Variants in ATRNL1 observed in about 807,000 individuals in gnomAD.
The protein encoded by ATRNL1 is attractin-like protein 1.
In ATRNL1, 95 loss-of-function variants were observed where a neutral mutation model predicts 182.7. The observed-to-expected ratio is 0.52, with a 90% confidence interval of 0.44 to 0.62. The LOEUF (loss-of-function observed/expected upper bound fraction) is 0.62. Ranked by LOEUF, ATRNL1 falls within the 20% of genes least tolerant of loss-of-function variation. ATRNL1 has a pLI of 0.00. For synonymous variants in ATRNL1, 576 were observed against 568.3 expected, an observed-to-expected ratio of 1.01 and a Z score of -0.19; for missense variants, 1,471 against 1,679.5, an observed-to-expected ratio of 0.88 and a Z score of 2.17.
chr10:115,361,334 C>T (rs538837980), intron 19 of ATRNL1, among the ~76,000 whole-genome samples: 1 of 151,824 alleles, frequency 6.6e-6, no homozygotes, highest in South Asian at 2.1e-4. Context: ...TGTGTGTAAT[C>T]CTTTCATTCT....
chr10:115,766,376 T>A (rs1197048766), intron 27 of ATRNL1, among the ~76,000 whole-genome samples: 2 of 152,240 alleles, frequency 1.3e-5, no homozygotes, highest in Admixed American at 1.3e-4. Context: ...GATCCTCCAG[T>A]TGTGACAACC....
rs34414579 is a variant in ATRNL1 at position 115,602,853 on chromosome 10, C to CA, written c.3795+53331dup. Among the ~76,000 whole-genome samples, 488 of 126,582 alleles carry CA rather than the reference C, an allele frequency of 3.9e-3. 4 individuals carry two copies. Among genetic ancestry groups the CA allele is most frequent in the African/African-American group, 9.9e-3 (343 of 34,744 alleles). The allele number at this position is 126,582 out of a possible 152,430, so 83.0% of individuals were successfully genotyped here. On this transcript the variant is annotated intron_variant, in intron 26 of 28. Coordinates refer to ENST00000355044, the MANE Select transcript of ATRNL1 (RefSeq NM_207303.4). ...TGGGTGACAGAGCGAGACTCCGTCT[C>CA]AAAAAAAAAAAAAACATTGCAATCA...
intron 17 of ATRNL1, among the ~76,000 whole-genome samples, chr10:115,314,084 GA>G (rs1398574243): frequency 6.6e-6 from 1 of 152,006 alleles, no homozygotes; most frequent in Non-Finnish European, 1.5e-5. Flanking sequence ...GTGTACTGTT[GA>G]AAAAATGTAA....
At chr10:115,242,539 T>A (rs1206439487) in intron 10 of ATRNL1, among the ~76,000 whole-genome samples, 1 of 151,960 alleles carries the variant, frequency 6.6e-6, no homozygotes, top group African/African-American at 2.4e-5. Flanking sequence ...TTATACCAAT[T>A]TGAAGCGATT....
At chr10:115,587,626 G>T (rs1211981556) in intron 26 of ATRNL1, among the ~76,000 whole-genome samples, 7 of 151,900 alleles carry the variant, frequency 4.6e-5, no homozygotes, top group African/African-American at 1.4e-4. Flanking sequence ...CTCGCGCATG[G>T]TGCGTGCACC....
At chr10:115,177,720 CTGTT>C (rs782775038) in intron 8 of ATRNL1, among the ~76,000 whole-genome samples, 35 of 151,708 alleles carry the variant, frequency 2.3e-4, no homozygotes, top group Non-Finnish European at 3.7e-4. Context: ...AGAGATCTGC[CTGTT>C]TTGACGTCCC....
intron 13 of ATRNL1, 22 bp downstream of exon 13, chr10:115,268,466 G>T (rs1851700684): frequency 6.8e-7 from 1 of 1,466,366 alleles, no homozygotes; most frequent in South Asian, 1.1e-5. Flanking sequence ...TGGGTAAATG[G>T]TGCTGTAGTT....
At chr10:115,279,664 G>T (rs1852269518) in intron 13 of ATRNL1, among the ~76,000 whole-genome samples, 1 of 152,154 alleles carries the variant, frequency 6.6e-6, no homozygotes, top group African/African-American at 2.4e-5. Context: ...TGCCAAGCCA[G>T]GGAAGGAGCA....
At chr10:115,506,632 T>G (rs1033609380) in intron 24 of ATRNL1, among the ~76,000 whole-genome samples, 1 of 152,076 alleles carries the variant, frequency 6.6e-6, no homozygotes, top group Non-Finnish European at 1.5e-5. Context: ...AATCTTGCCT[T>G]CCTTGTTGGA....
chr10:115,103,679 CA>C (rs1253543638), intron 1 of ATRNL1, among the ~76,000 whole-genome samples: 2 of 152,180 alleles, frequency 1.3e-5, no homozygotes, highest in Non-Finnish European at 2.9e-5. Flanking sequence ...TAACCATCCC[CA>C]TTTCCCCCAC....
At chr10:115,471,360 C>T (rs1156245370) in intron 24 of ATRNL1, among the ~76,000 whole-genome samples, 2 of 150,810 alleles carry the variant, frequency 1.3e-5, no homozygotes, top group Admixed American at 1.3e-4. Flanking sequence ...GAATATATCC[C>T]CAGTGGTGGG....
At chr10:115,698,669 T>G (rs1171400038) in intron 26 of ATRNL1, among the ~76,000 whole-genome samples, 2 of 151,918 alleles carry the variant, frequency 1.3e-5, no homozygotes, top group African/African-American at 2.4e-5. Flanking sequence ...TCCCAGCTAC[T>G]CGGGAGGCTG....
intron 25 of ATRNL1, among the ~76,000 whole-genome samples, chr10:115,530,590 G>A (rs1342237012): frequency 6.6e-6 from 1 of 152,066 alleles, no homozygotes; most frequent in East Asian, 1.9e-4. Flanking sequence ...ATAATGCAAA[G>A]TTAAGTATAG....
chr10:115,139,334 T>C (rs1845661183), intron 5 of ATRNL1, among the ~76,000 whole-genome samples: 1 of 152,160 alleles, frequency 6.6e-6, no homozygotes, highest in Non-Finnish European at 1.5e-5. Flanking sequence ...CTGGTACCAA[T>C]TTACTGTATT....
chr10:115,398,134 C>G (rs782277976), intron 20 of ATRNL1, among the ~76,000 whole-genome samples: 7 of 151,864 alleles, frequency 4.6e-5, no homozygotes, highest in Non-Finnish European at 1.0e-4. Flanking sequence ...GGCTGCCATT[C>G]CCTTCCACCA....
intron 27 of ATRNL1, among the ~76,000 whole-genome samples, chr10:115,828,484 A>G (rs2134303853): frequency 6.6e-6 from 1 of 152,278 alleles, no homozygotes; most frequent in African/African-American, 2.4e-5. Context: ...ATTTTACTCT[A>G]AAGGATATTT....
intron 25 of ATRNL1, among the ~76,000 whole-genome samples, chr10:115,524,756 C>T (rs1360497058): frequency 6.6e-6 from 1 of 152,076 alleles, no homozygotes; most frequent in Non-Finnish European, 1.5e-5. Flanking sequence ...TGGGTGGATC[C>T]ATTGACATAG....
At chr10:115,503,917 C>A (rs1482694054) in intron 24 of ATRNL1, among the ~76,000 whole-genome samples, 2 of 151,694 alleles carry the variant, frequency 1.3e-5, no homozygotes, top group Non-Finnish European at 2.9e-5. Flanking sequence ...TTACATCTTT[C>A]TTATTTCCTG....
intron 26 of ATRNL1, among the ~76,000 whole-genome samples, chr10:115,570,828 T>C (rs1854344632): frequency 6.6e-6 from 1 of 152,208 alleles, no homozygotes; most frequent in Admixed American, 6.5e-5. Context: ...GAGAGGCCTA[T>C]ATCCAGAGAG....
Sources: gnomAD v4.1 joint callset for allele counts (sites outside exome capture counted in the v4.1 genomes callset) on GRCh38, gnomAD v4.1.1 for gene constraint, MANE v1.5 for transcripts, NCBI Gene and HGNC (gene_info 2026-07-23, HGNC 2026-07-21) for gene names.